The following GUCY1A2 variants were observed in gnomAD, a reference collection of about 807,000 sequenced individuals.
GUCY1A2 encodes guanylate cyclase 1 soluble subunit alpha 2, also known as guanylate cyclase soluble subunit alpha-2.
In GUCY1A2, 27 loss-of-function variants were observed where a neutral mutation model predicts 63.5. The ratio of observed to expected loss-of-function variants is 0.43; its 90% CI spans 0.31 to 0.59. The LOEUF (loss-of-function observed/expected upper bound fraction) is 0.59. Among genes scored for constraint, GUCY1A2 ranks in the 20% least tolerant of loss-of-function variants. The pLI, the probability that GUCY1A2 is intolerant of heterozygous loss-of-function variation, is 0.11. For missense variants in GUCY1A2, 768 were observed against 913.3 expected, an observed-to-expected ratio of 0.84 and a Z score of 2.05; for synonymous variants, 364 against 343.5, an observed-to-expected ratio of 1.06 and a Z score of -0.66.
Position 106,674,663 on chromosome 11 carries a change from T to C in GUCY1A2, c.*12886A>G, listed in dbSNP as rs1276805453. 1.1e-5 allele frequency: 2 copies of C among 189,118 alleles called. No individual in the cohort carries two copies. Among genetic ancestry groups the C allele is most frequent in the Non-Finnish European group, 2.2e-5 (2 of 89,918 alleles). 11.7% of individuals were successfully genotyped at this position (189,118 alleles called of 1,614,324 possible). A position where few individuals can be genotyped will look rare whatever the true frequency, so the allele number is the denominator to read the frequency against. On this transcript the variant is annotated 3_prime_UTR_variant, in exon 8 of 8. Coordinates refer to ENST00000526355, the MANE Select transcript of GUCY1A2 (RefSeq NM_000855.3). ...GGTATTAGTTGATGACATTATAATTTAAGTTTTTGATAACTCAATTTTTAA... is the reference window on the plus strand; with the variant it reads ...GGTATTAGTTGATGACATTATAATTCAAGTTTTTGATAACTCAATTTTTAA...
At chr11:106,693,527 GTC>G (rs1202228188) in intron 7 of GUCY1A2, among the ~76,000 whole-genome samples, 1 of 152,000 alleles carries the variant, frequency 6.6e-6, no homozygotes, top group Non-Finnish European at 1.5e-5. Context: ...AGCAAACTAT[GTC>G]TTTCAGTTCT....
intron 4 of GUCY1A2, among the ~76,000 whole-genome samples, chr11:106,817,569 T>C (rs1858848210): frequency 6.6e-6 from 1 of 151,980 alleles, no homozygotes; most frequent in Non-Finnish European, 1.5e-5. Flanking sequence ...AGAAACGACA[T>C]ACAGAATAGG....
intron 4 of GUCY1A2, among the ~76,000 whole-genome samples, chr11:106,812,977 G>A (rs2135425629): frequency 6.6e-6 from 1 of 151,708 alleles, no homozygotes; most frequent in East Asian, 1.9e-4. Flanking sequence ...TACTTTAATT[G>A]GAAAATAATA....
intron 1 of GUCY1A2, among the ~76,000 whole-genome samples, chr11:106,994,175 G>T (rs1409649120): frequency 6.6e-6 from 1 of 152,162 alleles, no homozygotes; most frequent in Non-Finnish European, 1.5e-5. Flanking sequence ...CTTATTAGAA[G>T]TATGCTCTAA....
chr11:106,864,766 G>A (rs1859567578), intron 4 of GUCY1A2, among the ~76,000 whole-genome samples: 1 of 152,002 alleles, frequency 6.6e-6, no homozygotes, highest in Non-Finnish European at 1.5e-5. Flanking sequence ...GGATGAAGCC[G>A]ACTTGATCAT....
intron 4 of GUCY1A2, among the ~76,000 whole-genome samples, chr11:106,904,294 AG>A (rs1472196562): frequency 6.6e-6 from 1 of 152,158 alleles, no homozygotes; most frequent in Non-Finnish European, 1.5e-5. Context: ...ACATACTGAA[AG>A]TGTTTATCAT....
In GUCY1A2 at chr11:106,687,411, T is replaced by C; in HGVS notation, c.*138A>G. ...TCACCTCCACCTTTTAGTAGGATTA[T>C]TGCCTGACATAATACAGAAATTTTG... On this transcript the variant is annotated 3_prime_UTR_variant, in exon 8 of 8. Transcript: ENST00000526355. 1.5e-6 allele frequency: 1 copy of C among 686,218 alleles called. No individual in the cohort carries two copies. 42.5% of individuals were successfully genotyped at this position (686,218 alleles called of 1,614,324 possible).
chr11:106,790,264 G>A (rs975411833), intron 5 of GUCY1A2, among the ~76,000 whole-genome samples: 7 of 152,140 alleles, frequency 4.6e-5, no homozygotes, highest in Admixed American at 4.6e-4. Flanking sequence ...CTCACCCTGT[G>A]GCCACCACCA....
chr11:106,891,969 T>C (rs1859980942), intron 4 of GUCY1A2, among the ~76,000 whole-genome samples: 1 of 152,104 alleles, frequency 6.6e-6, no homozygotes, highest in African/African-American at 2.4e-5. Flanking sequence ...TGGAGTTATG[T>C]ATCAGTGGGT....
intron 2 of GUCY1A2, among the ~76,000 whole-genome samples, chr11:106,979,787 C>T (rs1861311023): frequency 6.6e-6 from 1 of 152,172 alleles, no homozygotes; most frequent in Non-Finnish European, 1.5e-5. Context: ...AGCTCTTCTT[C>T]AGGACTTAAG....
chr11:106,762,057 T>C (rs1864075517), intron 6 of GUCY1A2, among the ~76,000 whole-genome samples: 1 of 152,120 alleles, frequency 6.6e-6, no homozygotes, highest in South Asian at 2.1e-4. Flanking sequence ...GGTAGCAAAA[T>C]TACTAATTTG....
At chr11:106,873,050 G>A (rs948547106) in intron 4 of GUCY1A2, among the ~76,000 whole-genome samples, 1 of 152,112 alleles carries the variant, frequency 6.6e-6, no homozygotes, top group East Asian at 1.9e-4. Flanking sequence ...TTAGTTTGCT[G>A]AGAATGATAG....
chr11:106,989,197 T>A (rs1173834713), intron 1 of GUCY1A2, among the ~76,000 whole-genome samples: 1 of 152,318 alleles, frequency 6.6e-6, no homozygotes, highest in East Asian at 1.9e-4. Context: ...CTTATGTGCA[T>A]CTGTCCTTTT....
chr11:106,689,249 TATA>T (rs1862580025), intron 7 of GUCY1A2, among the ~76,000 whole-genome samples: 1 of 150,400 alleles, frequency 6.6e-6, no homozygotes, highest in Non-Finnish European at 1.5e-5. Context: ...ACTAATAAGT[TATA>T]ATATGAACAG....
At chr11:106,803,720 T>C (rs763444003) in intron 5 of GUCY1A2, among the ~76,000 whole-genome samples, 4 of 152,150 alleles carry the variant, frequency 2.6e-5, no homozygotes, top group African/African-American at 7.2e-5. Flanking sequence ...TATTTACAGA[T>C]GATAAAATGA....
At chr11:106,812,054 T>C (rs1320417699) in intron 4 of GUCY1A2, among the ~76,000 whole-genome samples, 2 of 152,030 alleles carry the variant, frequency 1.3e-5, no homozygotes, top group African/African-American at 2.4e-5. Flanking sequence ...TTTGTATATG[T>C]TTCATATGCT....
chr11:106,984,799 G>A (rs1278133598), intron 2 of GUCY1A2, among the ~76,000 whole-genome samples: 1 of 152,094 alleles, frequency 6.6e-6, no homozygotes, highest in East Asian at 1.9e-4. Flanking sequence ...TTTTATTTCA[G>A]GATATGTGGA....
intron 4 of GUCY1A2, among the ~76,000 whole-genome samples, chr11:106,918,006 T>C (rs1056816340): frequency 1.5e-4 from 22 of 143,234 alleles, no homozygotes; most frequent in African/African-American, 4.9e-4. Context: ...CAGACAATAA[T>C]GTGATTCCTC....
chr11:107,003,231 C>A (rs917386848), intron 1 of GUCY1A2, among the ~76,000 whole-genome samples: 2 of 152,102 alleles, frequency 1.3e-5, no homozygotes, highest in African/African-American at 4.8e-5. Flanking sequence ...AGGTCTTTAT[C>A]TCAGTTGCAG....
Sources: allele counts gnomAD v4.1 joint callset (sites outside exome capture counted in the v4.1 genomes callset), GRCh38; gene constraint gnomAD v4.1.1; transcripts MANE v1.5; gene names NCBI Gene and HGNC (gene_info 2026-07-23, HGNC 2026-07-21).